The following PXN variants were observed in gnomAD, a reference collection of about 807,000 sequenced individuals.
PXN encodes the protein paxillin.
Under a neutral mutation model 103.6 loss-of-function variants are expected in PXN, and 61 were observed. The observed-to-expected ratio is 0.59, with a 90% CI of 0.48 to 0.73. The LOEUF (loss-of-function observed/expected upper bound fraction) is 0.73. Among genes scored for constraint, PXN ranks in the 30% least tolerant of loss-of-function variants. PXN has a pLI of 0.00. For synonymous variants in PXN, 562 were observed against 607.8 expected, an observed-to-expected ratio of 0.92 and a Z score of 1.11; for missense variants, 1,274 against 1,460.3, an observed-to-expected ratio of 0.87 and a Z score of 2.08.
intron 1 of PXN, among the ~76,000 whole-genome samples, chr12:120,234,064 T>C (rs1888569661): frequency 6.6e-6 from 1 of 151,334 alleles, no homozygotes; most frequent in African/African-American, 2.4e-5. Flanking sequence ...GGCTACATTA[T>C]GGAGTCAAAT....
chr12:120,236,205 A>G (rs1365709932), intron 1 of PXN, among the ~76,000 whole-genome samples: 1 of 152,240 alleles, frequency 6.6e-6, no homozygotes, highest in African/African-American at 2.4e-5. Flanking sequence ...CACAAGCCTG[A>G]GCATAGAGCT....
At chr12:120,237,357 C>T (rs1404853091) in intron 1 of PXN, among the ~76,000 whole-genome samples, 1 of 152,098 alleles carries the variant, frequency 6.6e-6, no homozygotes, top group African/African-American at 2.4e-5. Flanking sequence ...TAGGGTTTCA[C>T]CATGTTGGCC....
chr12:120,226,464 T>A, intron 1 of PXN: 1 of 1,285,154 alleles, frequency 7.8e-7, no homozygotes, highest in Non-Finnish European at 1.0e-6. Flanking sequence ...AATGCTGGAC[T>A]CTGATCTCAG....
In PXN at chr12:120,222,507, G is replaced by A. The variant is rs1230883251; in HGVS notation, c.695+42C>T. ...AGACACTGGACCCGGGGCAGGCTGG[G>A]CCAGCCCTTCCCCACCTGGGGAGGG... On this transcript the variant is annotated intron_variant, in intron 5 of 14. Transcript: ENST00000637617. The surrounding 1 kb of genome is among the most constrained non-coding windows in gnomAD (Gnocchi z 4.7). The A allele has an allele frequency of 1.3e-6, 2 of 1,546,226 alleles. No homozygotes were observed. Among genetic ancestry groups the A allele is most frequent in the Admixed American group, 2.0e-5 (1 of 50,346 alleles).
chr12:120,219,096 C>T lies in PXN; in HGVS notation c.1716+111G>A, dbSNP rs1884203920. ...TCCGGCCACAGTGTCTCAGCATTTT[C>T]TGCCCAAGCAGACATGCGCAGAGTG... On this transcript the variant is annotated intron_variant, in intron 7 of 14. Coordinates refer to ENST00000637617, the MANE Select transcript of PXN (RefSeq NM_001385981.1). This position sits in a 1 kb window ranked among gnomAD's most constrained non-coding sequence, Gnocchi z 6.5. 8.3e-7 allele frequency: 1 copy of T among 1,201,190 alleles called. No homozygotes were observed. Among genetic ancestry groups the T allele is most frequent in the Non-Finnish European group, 1.1e-6 (1 of 889,538 alleles). The allele number at this position is 1,201,190 out of a possible 1,614,324, so 74.4% of individuals were successfully genotyped here.
intron 1 of PXN, among the ~76,000 whole-genome samples, chr12:120,243,562 C>A (rs905689836): frequency 1.3e-5 from 2 of 152,178 alleles, no homozygotes; most frequent in African/African-American, 4.8e-5. Flanking sequence ...TGCTATAGCA[C>A]ATGCCTGTAA....
chr12:120,217,021 CA>C lies in PXN; in HGVS notation c.1811del (p.Leu604Ter). ...GCTGTTCCTGGGATGGGGTCCTGCT[CA>C]AGGTGGCAGGGTCCAGCCGGCGGCG... is the stretch of plus-strand genomic sequence containing the variant. ...SPRRRLDPAT[L>X]SRTPSQEQLI... On this transcript the variant is annotated frameshift_variant, in exon 8 of 15. Transcript: ENST00000637617. LOFTEE classifies it high-confidence loss of function. This position sits in a 1 kb window ranked among gnomAD's most constrained non-coding sequence, Gnocchi z 4.1. The C allele has an allele frequency of 6.3e-7, 1 of 1,580,176 alleles. No homozygotes were observed. Among genetic ancestry groups the C allele is most frequent in the Non-Finnish European group, 8.5e-7 (1 of 1,171,550 alleles).
intron 1 of PXN, among the ~76,000 whole-genome samples, chr12:120,232,867 C>T (rs1475826435): frequency 4.6e-5 from 7 of 152,208 alleles, no homozygotes; most frequent in Non-Finnish European, 7.3e-5. Context: ...TTCTCACTAA[C>T]CAGCCAGCAC....
Position 120,240,129 on chromosome 12 carries a change from T to A in PXN, c.14-15752A>T, listed in dbSNP as rs144050569. Among the ~76,000 whole-genome samples, 1,210 of 152,212 alleles carry A rather than the reference T, an allele frequency of 7.9e-3. 14 individuals carry two copies. The highest frequency in any genetic ancestry group is 0.028 in the African/African-American group (1,149 of 41,524). On this transcript the variant is annotated intron_variant, in intron 1 of 14. Coordinates refer to ENST00000637617, the MANE Select transcript of PXN (RefSeq NM_001385981.1). ...GAATAGGTATAATAACTGCCCCTTA[T>A]ATAATGGGGACTGTGGGGTTCCCAA...
intron 3 of PXN, 112 bp from the exon 4 acceptor site, chr12:120,223,111 C>T (rs766920158): frequency 5.8e-6 from 9 of 1,549,534 alleles, no homozygotes; most frequent in Non-Finnish European, 7.0e-6. Flanking sequence ...GAAGTCTTCC[C>T]CCGCAAGAGG....
At chr12:120,227,361 T>C (rs767869818) in intron 1 of PXN, among the ~76,000 whole-genome samples, 47 of 152,078 alleles carry the variant, frequency 3.1e-4, no homozygotes, top group Non-Finnish European at 2.2e-4. Flanking sequence ...ATTAGCTGGG[T>C]GTGGTGATAT....
chr12:120,257,084 A>C (rs1435575521), intron 1 of PXN, among the ~76,000 whole-genome samples: 1 of 152,140 alleles, frequency 6.6e-6, no homozygotes, highest in East Asian at 1.9e-4. Flanking sequence ...AACAATACAC[A>C]CAGACCGGGA....
Position 120,221,883 on chromosome 12 carries a change from C to T in PXN, c.696-125G>A. The T allele has an allele frequency of 5.2e-6, 7 of 1,354,590 alleles. 1 individual carries two copies. In the South Asian group the frequency reaches 1.0e-4, roughly 20 times the overall value. The allele number at this position is 1,354,590 out of a possible 1,614,324, so 83.9% of individuals were successfully genotyped here. ...CCCCAACCCCAGGGAGGTCCACCAG[C>T]TCCCTGTCTCTCCTGGGGACCCATC... On this transcript the variant is annotated intron_variant, in intron 5 of 14. Coordinates refer to ENST00000637617, the MANE Select transcript of PXN (RefSeq NM_001385981.1). The surrounding 1 kb of genome is among the most constrained non-coding windows in gnomAD (Gnocchi z 6.6).
Position 120,215,748 on chromosome 12 carries a change from T to C in PXN, c.2302-87A>G. The C allele has an allele frequency of 7.1e-7, 1 of 1,409,458 alleles. No individual in the cohort carries two copies. The allele number at this position is 1,409,458 out of a possible 1,614,324, so 87.3% of individuals were successfully genotyped here. ...ACCTTGTCACTGGACTAAAAGGGAA[T>C]CTAGGATGAGATCTGAGGGTTTCTC... On this transcript the variant is annotated intron_variant, in intron 9 of 14. Transcript: ENST00000637617. The surrounding 1 kb of genome is among the most constrained non-coding windows in gnomAD (Gnocchi z 4.9).
At chr12:120,257,701 G>C (rs547587873) in intron 1 of PXN, among the ~76,000 whole-genome samples, 2 of 152,212 alleles carry the variant, frequency 1.3e-5, no homozygotes, top group Admixed American at 6.5e-5. Context: ...GATTCCAGGA[G>C]GGGGAGCCTG....
chr12:120,227,781 C>T (rs994613203), intron 1 of PXN, among the ~76,000 whole-genome samples: 2 of 152,158 alleles, frequency 1.3e-5, no homozygotes, highest in East Asian at 1.9e-4. Context: ...GGAGGCAAGC[C>T]AACAGTAGAC....
At chr12:120,251,545 C>T (rs371827033) in intron 1 of PXN, among the ~76,000 whole-genome samples, 18 of 146,536 alleles carry the variant, frequency 1.2e-4, no homozygotes, top group East Asian at 2.0e-4. Context: ...CAGGCCGCTG[C>T]GGTGGCTCAC....
Position 120,232,484 on chromosome 12 carries a change from C to T in PXN, c.14-8107G>A, listed in dbSNP as rs142994250. ...ATGCTAGACCTTTTCAGGTCAAGTC[C>T]AGGGCCCCATTCCAGGCCCAACTCA... On this transcript the variant is annotated intron_variant, in intron 1 of 14. Transcript: ENST00000637617. Among the ~76,000 whole-genome samples, 15 of 152,316 alleles carry T rather than the reference C, an allele frequency of 9.8e-5. No homozygotes were observed. The East Asian group carries it at 2.5e-3, about 25-fold the overall frequency.
chr12:120,254,723 G>A (rs1892736712), intron 1 of PXN, among the ~76,000 whole-genome samples: 1 of 151,936 alleles, frequency 6.6e-6, no homozygotes, highest in Non-Finnish European at 1.5e-5. Flanking sequence ...GCTAATTTTT[G>A]TAATTTTAGT....
Sources: gnomAD v4.1 joint callset for allele counts (sites outside exome capture counted in the v4.1 genomes callset) on GRCh38, gnomAD v4.1.1 for gene constraint, Gnocchi (gnomAD v3.1) non-coding constraint, MANE v1.5 for transcripts, NCBI Gene and HGNC (gene_info 2026-07-23, HGNC 2026-07-21) for gene names.